The following NRG1 variants were observed in gnomAD, a reference collection of about 807,000 sequenced individuals.
NRG1 encodes the protein neuregulin 1.
NRG1 carries 18 observed loss-of-function variants against 63.8 expected under a neutral mutation model. That is an observed-to-expected ratio of 0.28 (90% CI 0.19 to 0.42). The LOEUF (loss-of-function observed/expected upper bound fraction) is 0.42, where lower values mean the gene tolerates loss of function less well. NRG1 is among the 10% of genes least tolerant of loss of function. NRG1 has a pLI of 1.00. For missense variants in NRG1, 762 were observed against 814.7 expected (o/e 0.94, Z 0.79); for synonymous variants, 302 against 301.3 (o/e 1.00, Z -0.02).
At chr8:32,337,092 C>G (rs1346125137) in intron 1 of NRG1, among the ~76,000 whole-genome samples, 1 of 152,126 alleles carries the variant, frequency 6.6e-6, no homozygotes, top group Non-Finnish European at 1.5e-5. Flanking sequence ...CCACTATAAT[C>G]TCAAACTCCT....
At chr8:31,938,257 A>G (rs1801225282) in intron 1 of NRG1, among the ~76,000 whole-genome samples, 1 of 152,156 alleles carries the variant, frequency 6.6e-6, no homozygotes, top group Admixed American at 6.5e-5. Flanking sequence ...TCCCCAGTAC[A>G]AGCCCAGAGC....
intron 1 of NRG1, among the ~76,000 whole-genome samples, chr8:32,090,216 G>A (rs987455333): frequency 2.6e-5 from 4 of 152,138 alleles, no homozygotes; most frequent in Admixed American, 6.5e-5. Flanking sequence ...TAAAATAGTC[G>A]TAAGTTAGCG....
chr8:32,051,228 T>TA (rs1318135446), intron 1 of NRG1, among the ~76,000 whole-genome samples: 1 of 152,158 alleles, frequency 6.6e-6, no homozygotes, highest in Non-Finnish European at 1.5e-5. Context: ...GTATTTAAAA[T>TA]ACGTCTTGAC....
intron 1 of NRG1, among the ~76,000 whole-genome samples, chr8:32,509,437 A>G (rs993642827): frequency 6.6e-6 from 1 of 152,190 alleles, no homozygotes; most frequent in Admixed American, 6.5e-5. Flanking sequence ...AATCTTAAAA[A>G]AAATACTTAA....
intron 1 of NRG1, among the ~76,000 whole-genome samples, chr8:32,169,764 A>G (rs143920898): frequency 1.5e-4 from 23 of 152,334 alleles, no homozygotes; most frequent in Middle Eastern, 6.8e-3. Context: ...GGGTAACACA[A>G]AAGCAAACTA....
chr8:32,601,174 A>G (rs1412885957), intron 2 of NRG1, among the ~76,000 whole-genome samples: 4 of 152,182 alleles, frequency 2.6e-5, no homozygotes, highest in African/African-American at 9.6e-5. Flanking sequence ...TTTTCCAATG[A>G]TGTCTCTGTA....
At chr8:31,772,055 A>T (rs546458841) in intron 1 of NRG1, among the ~76,000 whole-genome samples, 3 of 152,184 alleles carry the variant, frequency 2.0e-5, no homozygotes, top group African/African-American at 4.8e-5. Flanking sequence ...TTTCCAGATC[A>T]TTCATCATTT....
chr8:32,384,383 G>T (rs1275877560), intron 1 of NRG1, among the ~76,000 whole-genome samples: 1 of 152,342 alleles, frequency 6.6e-6, no homozygotes, highest in East Asian at 1.9e-4. Context: ...TTAGCACAGA[G>T]ATAAGAGATT....
intron 7 of NRG1, among the ~76,000 whole-genome samples, chr8:32,744,053 A>T (rs942827079): frequency 2.7e-4 from 41 of 152,048 alleles, no homozygotes; most frequent in Non-Finnish European, 5.2e-4. Flanking sequence ...ACCCCGAAAA[A>T]TATGTCACAT....
rs78665519 is a variant in NRG1 at position 32,010,272 on chromosome 8, C to A, written c.37+370841C>A. Among the ~76,000 whole-genome samples the A allele has an allele frequency of 2.6e-5, 4 of 152,062 alleles. No individual in the cohort carries two copies. In the South Asian group the frequency reaches 8.3e-4, roughly 32 times the overall value. ...CAACATGCAGTATCCTAAAAGAAAA[C>A]GAAGTAAACAATTTATGTATTTTGT... On this transcript the variant is annotated intron_variant, in intron 1 of 10. Coordinates refer to the NRG1 transcript ENST00000519301.
chr8:32,101,290 C>G (rs916573399), intron 1 of NRG1, among the ~76,000 whole-genome samples: 9 of 152,094 alleles, frequency 5.9e-5, no homozygotes, highest in Non-Finnish European at 1.0e-4. Flanking sequence ...ACCTGGGGCT[C>G]ACAATCTCAG....
At chr8:31,695,511 A>G (rs1293023481) in intron 1 of NRG1, among the ~76,000 whole-genome samples, 1 of 152,104 alleles carries the variant, frequency 6.6e-6, no homozygotes, top group Non-Finnish European at 1.5e-5. Flanking sequence ...TCTCATGAGA[A>G]CTCACTCACT....
chr8:32,534,678 A>G (rs2129519045), intron 1 of NRG1, among the ~76,000 whole-genome samples: 1 of 152,192 alleles, frequency 6.6e-6, no homozygotes, highest in East Asian at 1.9e-4. Context: ...TGATGATCTC[A>G]AGTTCTGTCT....
chr8:32,477,705 G>A (rs773691262), intron 1 of NRG1, among the ~76,000 whole-genome samples: 1 of 152,152 alleles, frequency 6.6e-6, no homozygotes, highest in Non-Finnish European at 1.5e-5. Context: ...AGAGGATACA[G>A]AAAGATAAAA....
intron 1 of NRG1, among the ~76,000 whole-genome samples, chr8:31,746,283 A>G (rs74866810): frequency 0.035 from 5,394 of 152,058 alleles, 185 homozygotes; most frequent in Admixed American, 0.1. Context: ...CTGCTTTGCT[A>G]ATTTAAGTGT....
At chr8:32,283,472 C>T (rs1353873011) in intron 1 of NRG1, among the ~76,000 whole-genome samples, 2 of 152,080 alleles carry the variant, frequency 1.3e-5, no homozygotes, top group African/African-American at 2.4e-5. Flanking sequence ...TAAAGGGGAA[C>T]ACGGGTAGGA....
At chr8:31,915,430 T>G (rs1307830751) in intron 1 of NRG1, among the ~76,000 whole-genome samples, 2 of 152,082 alleles carry the variant, frequency 1.3e-5, no homozygotes, top group African/African-American at 4.8e-5. Context: ...AAGTTATAGT[T>G]TTAAAAAACA....
chr8:32,197,076 C>T (rs1843036207), intron 1 of NRG1, among the ~76,000 whole-genome samples: 1 of 149,712 alleles, frequency 6.7e-6, no homozygotes, highest in Admixed American at 6.7e-5. Flanking sequence ...TCTCCTGCCT[C>T]AGCCTCCTGA....
intron 1 of NRG1, among the ~76,000 whole-genome samples, chr8:32,144,547 A>C (rs1279704871): frequency 6.6e-6 from 1 of 152,172 alleles, no homozygotes; most frequent in African/African-American, 2.4e-5. Context: ...TGTTTTGCAT[A>C]ATTCACCAGG....
Sources: gnomAD v4.1 joint callset for allele counts (sites outside exome capture counted in the v4.1 genomes callset) on GRCh38, gnomAD v4.1.1 for gene constraint, MANE v1.5 for transcripts, NCBI Gene and HGNC (gene_info 2026-07-23, HGNC 2026-07-21) for gene names.